DTNB: variants seen among roughly 807,000 people sequenced by gnomAD.
DTNB encodes dystrobrevin beta.
DTNB carries 63 observed loss-of-function variants against 90.7 expected under a neutral mutation model. The ratio of observed to expected loss-of-function variants is 0.69; its 90% CI spans 0.57 to 0.86. The LOEUF (loss-of-function observed/expected upper bound fraction) is 0.86. Among genes scored for constraint, DTNB ranks in the 40% least tolerant of loss-of-function variants. DTNB has a pLI of 0.00. For missense variants in DTNB, 744 were observed against 807.1 expected (o/e 0.92, Z 0.95); for synonymous variants, 277 against 286.7 (o/e 0.97, Z 0.34).
chr2:25,432,710 C>G (rs1433972266), intron 14 of DTNB, among the ~76,000 whole-genome samples, 176 bp downstream of exon 14: 2 of 152,192 alleles, frequency 1.3e-5, no homozygotes, highest in Admixed American at 1.3e-4. Flanking sequence ...TTAGAGTGAT[C>G]TCTAATGGAA....
Position 25,613,658 on chromosome 2 carries a change from GA to G in DTNB, c.363-6338del, listed in dbSNP as rs767938772. Among the ~76,000 whole-genome samples the G allele has an allele frequency of 9.4e-3, 1,323 of 140,596 alleles. 8 individuals are homozygous for G. Among genetic ancestry groups the G allele is most frequent in the African/African-American group, 0.025 (967 of 38,668 alleles). 92.2% of individuals were successfully genotyped at this position (140,596 alleles called of 152,430 possible). A position where few individuals can be genotyped will look rare whatever the true frequency, so the allele number is the denominator to read the frequency against. ...AACAAAATGAGCAAATCAAATGTAG[GA>G]AAAAAAAAAAAAGGGACAGGCCGGG... is the stretch of plus-strand genomic sequence containing the variant. On this transcript the variant is annotated intron_variant, in intron 4 of 20. Coordinates refer to ENST00000406818, the MANE Select transcript of DTNB (RefSeq NM_021907.5).
chr2:25,613,196 G>A (rs988628141), intron 4 of DTNB, among the ~76,000 whole-genome samples: 1 of 152,012 alleles, frequency 6.6e-6, no homozygotes, highest in Non-Finnish European at 1.5e-5. Flanking sequence ...TGGTCCTCCT[G>A]CTCTAGCCTC....
intron 8 of DTNB, among the ~76,000 whole-genome samples, chr2:25,568,318 ATAT>A (rs1270627706): frequency 6.6e-6 from 1 of 152,204 alleles, no homozygotes. Flanking sequence ...GGTAAATGTT[ATAT>A]TACATATATT....
At chr2:25,435,769 G>A (rs1365244255) in intron 12 of DTNB, among the ~76,000 whole-genome samples, 1 of 152,182 alleles carries the variant, frequency 6.6e-6, no homozygotes, top group African/African-American at 2.4e-5. Context: ...GGGTCATATG[G>A]TAACTGCCTT....
chr2:25,610,819 C>T (rs1316397939), intron 4 of DTNB, among the ~76,000 whole-genome samples: 2 of 151,942 alleles, frequency 1.3e-5, no homozygotes, highest in African/African-American at 4.8e-5. Flanking sequence ...AAGTGATTCT[C>T]GTGCCTTAGC....
intron 5 of DTNB, among the ~76,000 whole-genome samples, chr2:25,602,125 A>T (rs1411333077): frequency 6.6e-6 from 1 of 152,110 alleles, no homozygotes; most frequent in Non-Finnish European, 1.5e-5. Flanking sequence ...CCATCTCAAA[A>T]GAAAAAGAAA....
intron 6 of DTNB, among the ~76,000 whole-genome samples, chr2:25,589,574 T>G (rs934689683): frequency 1.3e-5 from 2 of 151,766 alleles, no homozygotes; most frequent in African/African-American, 4.8e-5. Context: ...AGAGACGAGG[T>G]TTCACCACGT....
chr2:25,399,698 T>A (rs1409507778), intron 16 of DTNB, among the ~76,000 whole-genome samples: 1 of 152,222 alleles, frequency 6.6e-6, no homozygotes, highest in Non-Finnish European at 1.5e-5. Flanking sequence ...TCACCAGACC[T>A]CTGAGATGGC....
chr2:25,649,391 G>A (rs2080322445), intron 2 of DTNB, among the ~76,000 whole-genome samples: 1 of 152,184 alleles, frequency 6.6e-6, no homozygotes, highest in Admixed American at 6.5e-5. Flanking sequence ...ATTACAAAAG[G>A]AAGAGTCAAA....
chr2:25,440,341 GGA>G (rs1395481915), intron 12 of DTNB, among the ~76,000 whole-genome samples: 1 of 152,168 alleles, frequency 6.6e-6, no homozygotes, highest in Non-Finnish European at 1.5e-5. Context: ...TGAATGAGTT[GGA>G]GACTCCATAG....
At chr2:25,461,914 G>A (rs1286928967) in intron 10 of DTNB, among the ~76,000 whole-genome samples, 4 of 152,168 alleles carry the variant, frequency 2.6e-5, no homozygotes, top group Non-Finnish European at 1.5e-5. Context: ...CTAAAATGAG[G>A]AGTGACAATA....
rs368626609 is a variant in DTNB, at chr2:25,589,467, G to A, written c.603+6619C>T. On this transcript the variant is annotated intron_variant, in intron 6 of 20. Transcript: ENST00000406818. ...GCCATCTCGGCTCACTGCAACCTCT[G>A]CCTCCTGGGTTCAAGCAATTCTCCT... Among the ~76,000 whole-genome samples the A allele has an allele frequency of 4.7e-5, 6 of 128,904 alleles. No individual in the cohort carries two copies. The East Asian group carries it at 1.0e-3, about 22-fold the overall frequency. The allele number at this position is 128,904 out of a possible 152,430, so 84.6% of individuals were successfully genotyped here.
At chr2:25,441,268 C>T (rs2057321557) in intron 12 of DTNB, among the ~76,000 whole-genome samples, 1 of 152,134 alleles carries the variant, frequency 6.6e-6, no homozygotes, top group Non-Finnish European at 1.5e-5. Context: ...TCAGAACAAC[C>T]CGAGGAATGG....
At chr2:25,488,426 T>G (rs544050341) in intron 9 of DTNB, among the ~76,000 whole-genome samples, 4 of 152,082 alleles carry the variant, frequency 2.6e-5, no homozygotes, top group Non-Finnish European at 5.9e-5. Context: ...GAGGGATGGG[T>G]AGACAGAATG....
chr2:25,495,697 T>TTCTATGGTTATC (rs2068690132), intron 9 of DTNB, among the ~76,000 whole-genome samples: 1 of 152,282 alleles, frequency 6.6e-6, no homozygotes, highest in Middle Eastern at 3.4e-3. Flanking sequence ...CCTCACGGGG[T>TTCTATGGTTATC]TCTATGGTTA....
At chr2:25,533,320 C>T (rs545911031) in intron 8 of DTNB, among the ~76,000 whole-genome samples, 1 of 80,864 alleles carries the variant, frequency 1.2e-5, no homozygotes, top group South Asian at 3.4e-4. Flanking sequence ...GAGTGAGACC[C>T]CATCTCAAAG....
At chr2:25,546,749 T>C (rs1194880492) in intron 8 of DTNB, among the ~76,000 whole-genome samples, 1 of 152,222 alleles carries the variant, frequency 6.6e-6, no homozygotes, top group Non-Finnish European at 1.5e-5. Flanking sequence ...CATGTCTCTG[T>C]CATTGGAGAA....
chr2:25,383,682 A>G, intron 19 of DTNB, 154 bp downstream of exon 19: 1 of 1,504,688 alleles, frequency 6.6e-7, no homozygotes, highest in Non-Finnish European at 8.9e-7. Context: ...GTAAAACCTG[A>G]CTGTCAGATG....
At chr2:25,449,353 A>G (rs540441922) in intron 12 of DTNB, among the ~76,000 whole-genome samples, 2 of 152,390 alleles carry the variant, frequency 1.3e-5, no homozygotes, top group East Asian at 3.9e-4. Context: ...ATCTAAGAGT[A>G]GAATTGCTGG....
Sources: gnomAD v4.1 joint callset for allele counts (sites outside exome capture counted in the v4.1 genomes callset) on GRCh38, gnomAD v4.1.1 for gene constraint, MANE v1.5 for transcripts, NCBI Gene and HGNC (gene_info 2026-07-23, HGNC 2026-07-21) for gene names.